GGT7: variants seen among roughly 807,000 people sequenced by gnomAD.
The protein encoded by GGT7 is glutathione hydrolase 7.
Under a neutral mutation model 69.2 loss-of-function variants are expected in GGT7, and 30 were observed. That is an observed-to-expected ratio of 0.43 (90% CI 0.32 to 0.59). The LOEUF (loss-of-function observed/expected upper bound fraction) is 0.59. GGT7 is among the 20% of genes least tolerant of loss of function. The probability of loss-of-function intolerance (pLI) is 0.05; values close to 1 mark genes in which losing one functional copy is unlikely to be tolerated. For synonymous variants in GGT7, 388 were observed against 391.8 expected (o/e 0.99, Z 0.12); for missense variants, 733 against 901.1 (o/e 0.81, Z 2.39).
At chr20:34,870,491 TTG>T (rs1260059810) in intron 1 of GGT7, among the ~76,000 whole-genome samples, 1 of 152,134 alleles carries the variant, frequency 6.6e-6, no homozygotes, top group Non-Finnish European at 1.5e-5. Flanking sequence ...TTTGTTGTTG[TTG>T]TTTGTTTGTT....
chr20:34,856,884 C>A lies in GGT7; in HGVS notation c.1024G>T (p.Ala342Ser), dbSNP rs771599795. ...TLEMVAEAQHAGGVITEEDFS... is the reference protein window; with the variant it reads ...TLEMVAEAQHSGGVITEEDFS... ...TCCTCTTCGGTTATGACACCCCCTG[C>A]GTGCTGAGCCTGGAGGGAAGAGAAT... Residue 342 changes from alanine (A) to serine (S), a missense_variant, in exon 8 of 15, where the codon GCA becomes TCA. Coordinates refer to ENST00000336431, the MANE Select transcript of GGT7 (RefSeq NM_178026.3). 5 of 1,604,862 alleles carry A rather than the reference C, an allele frequency of 3.1e-6. No homozygotes were observed. The Admixed American group carries it at 5.0e-5, about 16-fold the overall frequency.
chr20:34,845,153 A>ACCCC lies in GGT7; in HGVS notation c.*174_*175insGGGG. The stretch of plus-strand genomic sequence containing the variant: ...CACCACCACCACCACCACCACCACC[A>ACCCC]CAGGCCTCCTGATGGAGAATTTTCC... On this transcript the variant is annotated 3_prime_UTR_variant, in exon 15 of 15. Coordinates refer to ENST00000336431, the MANE Select transcript of GGT7 (RefSeq NM_178026.3). 1 of 283,588 alleles carries ACCCC rather than the reference A, an allele frequency of 3.5e-6. No individual in the cohort carries two copies. Among genetic ancestry groups the ACCCC allele is most frequent in the Non-Finnish European group, 6.8e-6 (1 of 147,640 alleles). 17.6% of individuals were successfully genotyped at this position (283,588 alleles called of 1,614,324 possible). A position where few individuals can be genotyped will look rare whatever the true frequency, so the allele number is the denominator to read the frequency against.
At position 34,845,062 on chromosome 20, in the gene GGT7, T is replaced by C. The variant is rs2079277427; in HGVS notation, c.*266A>G. On this transcript the variant is annotated 3_prime_UTR_variant, in exon 15 of 15. Transcript: ENST00000336431. ...GGAGAGGTGACACACAGACAGATAGTCTGATTCCTCAAGGTCCTGCCTGCC... is the reference window on the plus strand; with the variant it reads ...GGAGAGGTGACACACAGACAGATAGCCTGATTCCTCAAGGTCCTGCCTGCC... 2.0e-6 allele frequency: 1 copy of C among 506,518 alleles called. No individual in the cohort carries two copies. The highest frequency in any genetic ancestry group is 3.5e-6 in the Non-Finnish European group (1 of 282,066). 31.4% of individuals were successfully genotyped at this position (506,518 alleles called of 1,614,324 possible). A position where few individuals can be genotyped will look rare whatever the true frequency, so the allele number is the denominator to read the frequency against.
Position 34,854,566 on chromosome 20 carries a change from A to G in GGT7, c.1284T>C (p.Asp428=). ...CATCCATGCTCTCAGTGATGGTAGA[A>G]TCATAGACGGGATCTCCCAGTCTGC... is the stretch of plus-strand genomic sequence containing the variant. The part of the protein sequence containing the change: ...LASRLGDPVY[D]STITESMDDM... The change falls in exon 10 of 15, where the codon GAT becomes GAC. Residue 428 remains aspartate (D), a synonymous_variant. Coordinates refer to ENST00000336431, the MANE Select transcript of GGT7 (RefSeq NM_178026.3). 6.2e-7 allele frequency: 1 copy of G among 1,613,186 alleles called. No individual in the cohort carries two copies.
At position 34,860,100 on chromosome 20, in the gene GGT7, G is replaced by A. The variant is rs1047086826; in HGVS notation, c.744-58C>T. The A allele has an allele frequency of 4.3e-5, 39 of 904,536 alleles. 3 individuals are homozygous for A. Among genetic ancestry groups the A allele is most frequent in the South Asian group, 1.4e-4 (10 of 73,838 alleles). 56.0% of individuals were successfully genotyped at this position (904,536 alleles called of 1,614,324 possible). The stretch of plus-strand genomic sequence containing the variant: ...GTCCTGGGGGAATGAGGAGGGGTCC[G>A]GGGGGAGGGGGGTTCCTGGGAAGGA... On this transcript the variant is annotated intron_variant, in intron 5 of 14. Coordinates refer to ENST00000336431, the MANE Select transcript of GGT7 (RefSeq NM_178026.3).
chr20:34,849,940 A>C (rs2079361687), intron 14 of GGT7, 21 bp downstream of exon 14: 2 of 1,493,024 alleles, frequency 1.3e-6, no homozygotes, highest in Non-Finnish European at 1.9e-6. Context: ...CCGCCCCACG[A>C]GGTCTCTGCT....
At chr20:34,854,673 C>A in intron 9 of GGT7, 54 bp from the exon 10 acceptor site, 1 of 1,576,116 alleles carries the variant, frequency 6.3e-7, no homozygotes, top group Non-Finnish European at 8.7e-7. Flanking sequence ...CCAGAACCCA[C>A]ACCCAGTGGA....
intron 3 of GGT7, 81 bp from the exon 4 acceptor site, chr20:34,861,643 G>T: frequency 1.2e-6 from 1 of 843,100 alleles, no homozygotes; most frequent in Non-Finnish European, 1.7e-6. Context: ...TCCACCCCCA[G>T]TGGTGAGAGC....
At chr20:34,860,457 G>T in intron 4 of GGT7, 136 bp from the exon 5 acceptor site, 2 of 695,956 alleles carry the variant, frequency 2.9e-6, no homozygotes, top group South Asian at 1.6e-5. Flanking sequence ...CCAGGGGAGG[G>T]ACAAGCTTTC....
rs543513705 is a variant in GGT7 at position 34,851,376 on chromosome 20, T to C, written c.1588-8A>G. ...TGGCTGCACTGAATTCTCCTGTTGT[T>C]AGAGGACAGAGACCACAAGGGGCAG... On this transcript the variant is annotated splice_polypyrimidine_tract_variant and splice_region_variant and intron_variant, in intron 12 of 14. Coordinates refer to ENST00000336431, the MANE Select transcript of GGT7 (RefSeq NM_178026.3). 108 of 1,608,742 alleles carry C rather than the reference T, an allele frequency of 6.7e-5. No individual in the cohort carries two copies. Among genetic ancestry groups the C allele is most frequent in the South Asian group, 5.4e-4 (49 of 90,406 alleles).
intron 7 of GGT7, among the ~76,000 whole-genome samples, chr20:34,857,615 ATTTTT>A (rs5841184): frequency 3.2e-4 from 38 of 117,998 alleles, no homozygotes; most frequent in Admixed American, 1.4e-3. Flanking sequence ...TTACACATTG[ATTTTT>A]TTTTTTTTTT....
At chr20:34,870,267 T>C (rs193256033) in intron 1 of GGT7, among the ~76,000 whole-genome samples, 2 of 152,232 alleles carry the variant, frequency 1.3e-5, no homozygotes, top group Admixed American at 1.3e-4. Flanking sequence ...GAAGCTCAGA[T>C]GACTAGGATC....
chr20:34,871,816 T>C (rs2079783310), intron 1 of GGT7, among the ~76,000 whole-genome samples: 1 of 152,058 alleles, frequency 6.6e-6, no homozygotes, highest in African/African-American at 2.4e-5. Flanking sequence ...GGATGAAGAA[T>C]GGAGGGGAGG....
chr20:34,856,949 G>A (rs1266722153), intron 7 of GGT7, 56 bp from the exon 8 acceptor site: 1 of 1,080,962 alleles, frequency 9.3e-7, no homozygotes, highest in Non-Finnish European at 1.4e-6. Context: ...GGTGGTTTTG[G>A]CCTATAACAC....
intron 14 of GGT7, 33 bp from the exon 15 acceptor site, chr20:34,845,524 A>T: frequency 6.3e-7 from 1 of 1,593,724 alleles, no homozygotes; most frequent in South Asian, 1.1e-5. Context: ...ACACATTCAG[A>T]ATGTACAGAG....
At position 34,856,875 on chromosome 20, in the gene GGT7, C is replaced by T. The variant is rs887623914; in HGVS notation, c.1033G>A (p.Val345Ile). 1 of 1,609,480 alleles carries T rather than the reference C, an allele frequency of 6.2e-7. No homozygotes were observed. Reference protein sequence around the residue: ...MVAEAQHAGGVITEEDFSNYS... With the variant: ...MVAEAQHAGGIITEEDFSNYS... The stretch of plus-strand genomic sequence containing the variant: ...TTGCTGAAGTCCTCTTCGGTTATGA[C>T]ACCCCCTGCGTGCTGAGCCTGGAGG... The change falls in exon 8 of 15, where the codon GTC (valine) becomes ATC (isoleucine). Residue 345 changes from valine to isoleucine, a missense_variant. Val to Ile is a conservative substitution (Grantham distance 29). Coordinates refer to ENST00000336431, the MANE Select transcript of GGT7 (RefSeq NM_178026.3).
rs1390013697 is a variant in GGT7 at position 34,863,496 on chromosome 20, C to T, written c.222G>A (p.Ser74=). 1 of 1,603,456 alleles carries T rather than the reference C, an allele frequency of 6.2e-7. No homozygotes were observed. The highest frequency in any genetic ancestry group is 1.1e-5 in the South Asian group (1 of 89,982). Residue 74 remains serine, a synonymous_variant, in exon 2 of 15, where the codon TCG becomes TCA. Coordinates refer to ENST00000336431, the MANE Select transcript of GGT7 (RefSeq NM_178026.3). This position sits in a 1 kb window ranked among gnomAD's most constrained non-coding sequence, Gnocchi z 4.4. ...SARLQRLPSS[S]SEMGSQDGSP... is the part of the protein sequence containing the mutation. ...ACCCGTCTTGGCTGCCCATCTCCGA[C>T]GACGACGATGGCAGCCGCTGCAGCC...
At chr20:34,858,890 G>C (rs2079536331) in intron 7 of GGT7, among the ~76,000 whole-genome samples, 2 of 152,184 alleles carry the variant, frequency 1.3e-5, no homozygotes, top group African/African-American at 4.8e-5. Context: ...AACACTTCTG[G>C]CTAGGCATGG....
At position 34,863,466 on chromosome 20, in the gene GGT7, C is replaced by T. The variant is rs2079634513; in HGVS notation, c.252G>A (p.Pro84=). 6.2e-7 allele frequency: 1 copy of T among 1,610,614 alleles called. No individual in the cohort carries two copies. The highest frequency in any genetic ancestry group is 1.7e-4 in the Middle Eastern group (1 of 6,046). Residue 84 remains proline, a synonymous_variant, in exon 2 of 15, where the codon CCG becomes CCA. Transcript: ENST00000336431. The surrounding 1 kb of genome is among the most constrained non-coding windows in gnomAD (Gnocchi z 4.4). ...SSEMGSQDGS[P]LRETRKDPFS... ...ACGGGTCTTTGCGCGTCTCGCGTAGCGGCGACCCGTCTTGGCTGCCCATCT... is the reference window on the plus strand; with the variant it reads ...ACGGGTCTTTGCGCGTCTCGCGTAGTGGCGACCCGTCTTGGCTGCCCATCT...
Sources: gnomAD v4.1 joint callset for allele counts (sites outside exome capture counted in the v4.1 genomes callset) on GRCh38, gnomAD v4.1.1 for gene constraint, Gnocchi (gnomAD v3.1) non-coding constraint, MANE v1.5 for transcripts, NCBI Gene and HGNC (gene_info 2026-07-23, HGNC 2026-07-21) for gene names.